KCNN2: variants seen among roughly 807,000 people sequenced by gnomAD.
The protein encoded by KCNN2 is small conductance calcium-activated potassium channel protein 2.
A neutral mutation model predicts 55.5 loss-of-function variants in KCNN2; 24 were observed. The observed-to-expected ratio is 0.43, with a 90% CI of 0.31 to 0.61. The LOEUF (loss-of-function observed/expected upper bound fraction) is 0.61, where lower values mean the gene tolerates loss of function less well. KCNN2 is among the 20% of genes least tolerant of loss of function. The pLI is 0.08. For synonymous variants in KCNN2, 431 were observed against 336.1 expected (o/e 1.28, Z -3.09); for missense variants, 754 against 853.6 (o/e 0.88, Z 1.45).
At chr5:114,337,069 G>T (rs887047168) in intron 2 of KCNN2, among the ~76,000 whole-genome samples, 1 of 152,144 alleles carries the variant, frequency 6.6e-6, no homozygotes, top group African/African-American at 2.4e-5. Context: ...TATATTAGAG[G>T]TTGGCAGGAG....
chr5:114,276,422 A>T (rs1755488624), intron 2 of KCNN2, among the ~76,000 whole-genome samples: 1 of 152,118 alleles, frequency 6.6e-6, no homozygotes, highest in Admixed American at 6.6e-5. Context: ...TAATATTGAC[A>T]GTGGGGTGTT....
chr5:114,436,522 C>T (rs1041442028), intron 3 of KCNN2, among the ~76,000 whole-genome samples: 1 of 152,222 alleles, frequency 6.6e-6, no homozygotes, highest in African/African-American at 2.4e-5. Flanking sequence ...AGTCAGCATT[C>T]AGAGTCCTGA....
chr5:114,288,229 A>G (rs1580696145), intron 2 of KCNN2, among the ~76,000 whole-genome samples: 1 of 152,156 alleles, frequency 6.6e-6, no homozygotes. Context: ...ATATACCACA[A>G]TTTGTTTAAC....
intron 2 of KCNN2, among the ~76,000 whole-genome samples, chr5:114,389,363 A>G (rs1758392214): frequency 6.6e-6 from 1 of 152,154 alleles, no homozygotes; most frequent in African/African-American, 2.4e-5. Context: ...AAGTCGCAGT[A>G]TGCTTATTAT....
chr5:114,128,668 G>A (rs1263694767), intron 1 of KCNN2, among the ~76,000 whole-genome samples: 3 of 152,116 alleles, frequency 2.0e-5, no homozygotes, highest in African/African-American at 7.2e-5. Context: ...CTGAGACATT[G>A]AAGCTATGTT....
intron 6 of KCNN2, among the ~76,000 whole-genome samples, chr5:114,492,171 G>A (rs1747889407): frequency 6.6e-6 from 1 of 152,138 alleles, no homozygotes; most frequent in Admixed American, 6.5e-5. Context: ...TCACTGTAGA[G>A]CAGATTTGGT....
intron 1 of KCNN2, among the ~76,000 whole-genome samples, chr5:114,163,177 A>G (rs1752829220): frequency 6.6e-6 from 1 of 152,156 alleles, no homozygotes; most frequent in African/African-American, 2.4e-5. Flanking sequence ...CTGTTTGTTT[A>G]GGAATCTTTT....
At chr5:114,309,306 C>G (rs73779790) in intron 2 of KCNN2, among the ~76,000 whole-genome samples, 2 of 152,092 alleles carry the variant, frequency 1.3e-5, no homozygotes, top group African/African-American at 4.8e-5. Flanking sequence ...TAACTAGGCT[C>G]AATTATCAAG....
chr5:114,440,228 T>G (rs1023510269), intron 3 of KCNN2, among the ~76,000 whole-genome samples: 2 of 152,202 alleles, frequency 1.3e-5, no homozygotes, highest in African/African-American at 4.8e-5. Context: ...TTGCTGATCC[T>G]AGAACATCCT....
chr5:114,416,593 C>G (rs542875708), intron 3 of KCNN2, among the ~76,000 whole-genome samples: 35 of 152,274 alleles, frequency 2.3e-4, no homozygotes, highest in African/African-American at 8.4e-4. Flanking sequence ...ACGATATTCT[C>G]AGTGCCACAG....
chr5:114,203,650 A>T (rs1347839976), intron 1 of KCNN2, among the ~76,000 whole-genome samples: 1 of 152,100 alleles, frequency 6.6e-6, no homozygotes, highest in Non-Finnish European at 1.5e-5. Context: ...GCAAAGGTGG[A>T]CCTCATCCCT....
intron 1 of KCNN2, among the ~76,000 whole-genome samples, chr5:114,063,829 A>G (rs896268405): frequency 6.6e-6 from 1 of 152,206 alleles, no homozygotes; most frequent in Non-Finnish European, 1.5e-5. Flanking sequence ...CTAGTTTACT[A>G]TGGCAGCTTT....
chr5:114,407,760 G>T (rs1157337265), intron 3 of KCNN2, among the ~76,000 whole-genome samples: 1 of 152,172 alleles, frequency 6.6e-6, no homozygotes, highest in Non-Finnish European at 1.5e-5. Flanking sequence ...CTTGGGAATT[G>T]AAACACAGGG....
chr5:114,263,619 C>T (rs917703256), intron 2 of KCNN2, among the ~76,000 whole-genome samples: 4 of 152,084 alleles, frequency 2.6e-5, no homozygotes, highest in African/African-American at 9.7e-5. Context: ...TCTCTGTCTC[C>T]CAACAAGGTA....
chr5:114,436,112 T>C (rs1274942478), intron 3 of KCNN2, among the ~76,000 whole-genome samples: 2 of 152,206 alleles, frequency 1.3e-5, no homozygotes, highest in African/African-American at 4.8e-5. Context: ...GGTCACCTCA[T>C]TATACTTGAA....
chr5:114,292,463 G>T (rs1472152377), intron 2 of KCNN2, among the ~76,000 whole-genome samples: 2 of 152,144 alleles, frequency 1.3e-5, no homozygotes, highest in Non-Finnish European at 2.9e-5. Flanking sequence ...TTTCCCCATT[G>T]CTTGTTTTTG....
chr5:114,307,372 A>T (rs1473001206), intron 2 of KCNN2, among the ~76,000 whole-genome samples: 1 of 152,170 alleles, frequency 6.6e-6, no homozygotes, highest in African/African-American at 2.4e-5. Context: ...ATGTTTATAT[A>T]TGTATTGCTC....
chr5:114,158,314 GTT>G (rs1752685580), intron 1 of KCNN2, among the ~76,000 whole-genome samples: 1 of 152,152 alleles, frequency 6.6e-6, no homozygotes, highest in Non-Finnish European at 1.5e-5. Context: ...GATAGTTGTA[GTT>G]ATGCGGCATT....
intron 2 of KCNN2, among the ~76,000 whole-genome samples, 159 bp downstream of exon 2, chr5:114,364,160 A>C (rs1234362642): frequency 6.6e-6 from 1 of 152,208 alleles, no homozygotes; most frequent in African/African-American, 2.4e-5. Flanking sequence ...CTGTTCTTTC[A>C]GGAAGTGGAA....
Sources: allele counts gnomAD v4.1 joint callset (sites outside exome capture counted in the v4.1 genomes callset), GRCh38; gene constraint gnomAD v4.1.1; transcripts MANE v1.5; gene names NCBI Gene and HGNC (gene_info 2026-07-23, HGNC 2026-07-21).